ESRRG: variants seen among roughly 807,000 people sequenced by gnomAD.
ESRRG encodes estrogen related receptor gamma.
In ESRRG, 13 loss-of-function variants were observed where a neutral mutation model predicts 44.0. The ratio of observed to expected loss-of-function variants is 0.30; its 90% CI spans 0.19 to 0.47. ESRRG has a LOEUF of 0.47. ESRRG is among the 20% of genes least tolerant of loss of function. The pLI is 1.00. For missense variants in ESRRG, 395 were observed against 580.6 expected (o/e 0.68, Z 3.29); for synonymous variants, 215 against 214.6 (o/e 1.00, Z -0.02).
intron 1 of ESRRG, among the ~76,000 whole-genome samples, chr1:217,097,767 T>TC (rs2092445113): frequency 6.6e-6 from 1 of 150,914 alleles, no homozygotes; most frequent in Non-Finnish European, 1.5e-5. Flanking sequence ...CTGCTTACCT[T>TC]CCCATAAGAA....
At chr1:216,802,593 G>A (rs2094657643) in intron 2 of ESRRG, among the ~76,000 whole-genome samples, 1 of 152,130 alleles carries the variant, frequency 6.6e-6, no homozygotes, top group African/African-American at 2.4e-5. Context: ...CAGCAGAGTA[G>A]TAAACCAAGC....
In ESRRG at chr1:216,677,253, T is replaced by C; in HGVS notation, c.295A>G (p.Lys99Glu). 1.2e-6 allele frequency: 2 copies of C among 1,614,076 alleles called. No individual in the cohort carries two copies. Among genetic ancestry groups the C allele is most frequent in the Non-Finnish European group, 1.7e-6 (2 of 1,180,014 alleles). ...PILGGSGPVR[K>E]LYDDCSSTIV... ...GTGCTGGAGCAGTCATCATACAGTT[T>C]CCTGACAGGCCCACTACCTCCCAGG... Residue 99 changes from lysine (K) to glutamate (E), a missense_variant, in exon 2 of 7, where the codon AAA (lysine) becomes GAA (glutamate). Physicochemically the swap from Lys to Glu is moderately conservative, Grantham distance 56. Around this residue, in one of 5 missense-constraint regions of ESRRG, gnomAD observed 148 missense variants for 150.4 expected, o/e 0.98. Coordinates refer to ENST00000408911, the MANE Select transcript of ESRRG (RefSeq NM_001438.4).
chr1:217,066,869 G>A (rs2089804006), intron 1 of ESRRG, among the ~76,000 whole-genome samples: 1 of 152,176 alleles, frequency 6.6e-6, no homozygotes, highest in Non-Finnish European at 1.5e-5. Flanking sequence ...CCACTAGTCT[G>A]AGCCATTTTG....
At chr1:216,971,887 G>T (rs779939807) in intron 1 of ESRRG, among the ~76,000 whole-genome samples, 1 of 152,112 alleles carries the variant, frequency 6.6e-6, no homozygotes, top group Non-Finnish European at 1.5e-5. Flanking sequence ...CTTCAGCTAC[G>T]CTAATCTCTT....
intron 3 of ESRRG, among the ~76,000 whole-genome samples, chr1:216,612,614 C>T (rs1236844033): frequency 2.0e-5 from 3 of 152,168 alleles, no homozygotes; most frequent in Non-Finnish European, 4.4e-5. Flanking sequence ...CCCCACAAGG[C>T]AGGAAGAATC....
chr1:216,796,770 C>T (rs1366773294), intron 2 of ESRRG, among the ~76,000 whole-genome samples: 15 of 151,984 alleles, frequency 9.9e-5, no homozygotes, highest in Admixed American at 9.8e-4. Flanking sequence ...TTCTTATGCT[C>T]AAAGCCAGAA....
intron 1 of ESRRG, among the ~76,000 whole-genome samples, chr1:217,025,593 C>G (rs1201679578): frequency 6.6e-6 from 1 of 152,196 alleles, no homozygotes; most frequent in Non-Finnish European, 1.5e-5. Context: ...TGTTCTTCCT[C>G]CCACCTGCCA....
intron 1 of ESRRG, among the ~76,000 whole-genome samples, chr1:216,983,343 G>A (rs6690530): frequency 0.17 from 25,459 of 151,270 alleles, 2,847 homozygotes; most frequent in Admixed American, 0.29. Flanking sequence ...GTGATCCTCT[G>A]ACCTCAGCCT....
At chr1:216,626,670 A>T (rs2150581883) in intron 3 of ESRRG, among the ~76,000 whole-genome samples, 1 of 152,278 alleles carries the variant, frequency 6.6e-6, no homozygotes, top group East Asian at 1.9e-4. Flanking sequence ...CCTCTGTCTT[A>T]CTACCTCCCC....
rs57817803 is a variant in ESRRG at position 216,625,423 on chromosome 1, C to CAAAA, written c.589+25546_589+25549dup. 3.8e-4 allele frequency among the ~76,000 whole-genome samples: 44 copies of CAAAA among 115,694 alleles called. 1 individual carries two copies. The highest frequency in any genetic ancestry group is 2.8e-3 in the East Asian group (10 of 3,532). 75.9% of individuals were successfully genotyped at this position (115,694 alleles called of 152,430 possible). On this transcript the variant is annotated intron_variant, in intron 3 of 6. Coordinates refer to ENST00000408911, the MANE Select transcript of ESRRG (RefSeq NM_001438.4). Reference sequence around the variant, plus strand: ...AAACTCTTTACTGATGCTCATTTGGCAAAAAAAAAAAAAAAAATCTATATT... The same window carrying CAAAA: ...AAACTCTTTACTGATGCTCATTTGGCAAAAAAAAAAAAAAAAAAAAATCTATATT...
intron 1 of ESRRG, among the ~76,000 whole-genome samples, chr1:217,116,551 C>A (rs1421345228): frequency 6.6e-6 from 1 of 152,174 alleles, no homozygotes; most frequent in Middle Eastern, 3.4e-3. Context: ...ATTTCAAGAC[C>A]CATACTGTCA....
chr1:216,740,826 G>T (rs1454426736), intron 2 of ESRRG, among the ~76,000 whole-genome samples: 3 of 151,904 alleles, frequency 2.0e-5, no homozygotes, highest in Non-Finnish European at 4.4e-5. Flanking sequence ...GCAGGCAGAG[G>T]TGCCCCTGTA....
At chr1:216,944,593 G>C (rs1323977477) in intron 1 of ESRRG, among the ~76,000 whole-genome samples, 1 of 152,064 alleles carries the variant, frequency 6.6e-6, no homozygotes. Context: ...AGGCTATGTT[G>C]ATGAAGATCT....
At chr1:216,856,950 T>C (rs924401594) in intron 2 of ESRRG, among the ~76,000 whole-genome samples, 1 of 152,178 alleles carries the variant, frequency 6.6e-6, no homozygotes, top group Non-Finnish European at 1.5e-5. Context: ...GCCGACACCT[T>C]ATTAAGGCCC....
intron 1 of ESRRG, among the ~76,000 whole-genome samples, chr1:216,943,171 T>C (rs191970493): frequency 2.6e-5 from 4 of 152,280 alleles, no homozygotes; most frequent in Non-Finnish European, 5.9e-5. Flanking sequence ...CCTACCATGG[T>C]TGTGTAGTAT....
intron 2 of ESRRG, among the ~76,000 whole-genome samples, chr1:216,662,933 C>CTT (rs1365634133): frequency 6.6e-6 from 1 of 152,216 alleles, no homozygotes; most frequent in East Asian, 1.9e-4. Context: ...TTAGCCATCT[C>CTT]TTGTCTAAAC....
At position 216,505,564 on chromosome 1, in the gene ESRRG, T is replaced by G. The variant is rs2041055099; in HGVS notation, c.*1375A>C. On this transcript the variant is annotated 3_prime_UTR_variant, in exon 7 of 7. Transcript: ENST00000408911. The stretch of plus-strand genomic sequence containing the variant: ...TTGCAAACAGGCAGTATCACATTCC[T>G]AACCACCATGGCAGCTAGAAATCAT... 1 of 152,596 alleles carries G rather than the reference T, an allele frequency of 6.6e-6. No individual in the cohort carries two copies. The highest frequency in any genetic ancestry group is 1.5e-5 in the Non-Finnish European group (1 of 68,042). The allele number at this position is 152,596 out of a possible 1,614,324, so 9.5% of individuals were successfully genotyped here.
chr1:217,089,071 C>T (rs2092268388), intron 1 of ESRRG, among the ~76,000 whole-genome samples: 1 of 151,936 alleles, frequency 6.6e-6, no homozygotes, highest in African/African-American at 2.4e-5. Context: ...TGACAGCAGT[C>T]CTCAACTCCT....
intron 1 of ESRRG, among the ~76,000 whole-genome samples, chr1:217,114,485 A>T (rs1008472772): frequency 1.3e-5 from 2 of 152,070 alleles, no homozygotes; most frequent in African/African-American, 4.8e-5. Flanking sequence ...GGGAGCATTT[A>T]GGCTTACCGA....
Sources: gnomAD v4.1 joint callset for allele counts (sites outside exome capture counted in the v4.1 genomes callset) on GRCh38, gnomAD v4.1.1 for gene constraint, gnomAD v4.1.1 regional missense constraint, MANE v1.5 for transcripts, NCBI Gene and HGNC (gene_info 2026-07-23, HGNC 2026-07-21) for gene names.